Variants in CALN1 observed in about 807,000 individuals in gnomAD.
The protein encoded by CALN1 is calcium-binding protein 8.
In CALN1, 17 loss-of-function variants were observed where a neutral mutation model predicts 30.6. The observed-to-expected ratio is 0.56, with a 90% confidence interval of 0.38 to 0.83. CALN1 has a LOEUF of 0.83. Among genes scored for constraint, CALN1 ranks in the 40% least tolerant of loss-of-function variants. The pLI, the probability that CALN1 is intolerant of heterozygous loss-of-function variation, is 0.00. For synonymous variants in CALN1, 156 were observed against 131.4 expected (o/e 1.19, Z -1.28); for missense variants, 291 against 354.9 (o/e 0.82, Z 1.45).
chr7:72,339,223 G>A (rs1376970623), intron 2 of CALN1, among the ~76,000 whole-genome samples: 2 of 151,984 alleles, frequency 1.3e-5, no homozygotes, highest in South Asian at 2.1e-4. Flanking sequence ...TTTGTTGATG[G>A]ACACATGGGT....
chr7:72,444,035 T>G (rs1195068352), intron 1 of CALN1, among the ~76,000 whole-genome samples: 1 of 150,724 alleles, frequency 6.6e-6, no homozygotes, highest in African/African-American at 2.4e-5. Context: ...AAAAAATTAT[T>G]AAATCAATGA....
intron 2 of CALN1, among the ~76,000 whole-genome samples, chr7:72,392,295 T>C (rs1805625176): frequency 6.6e-6 from 1 of 152,216 alleles, no homozygotes; most frequent in South Asian, 2.1e-4. Flanking sequence ...CTGTCTCTAC[T>C]GAATTCCTGA....
chr7:72,398,974 C>T (rs1049577000), intron 2 of CALN1, among the ~76,000 whole-genome samples: 2 of 152,156 alleles, frequency 1.3e-5, no homozygotes, highest in African/African-American at 4.8e-5. Flanking sequence ...ACCTCCATGC[C>T]AAGGAGTCAC....
the CALN1 span, among the ~76,000 whole-genome samples, chr7:72,476,149 A>C: frequency 4.0e-5 from 6 of 151,742 alleles, 1 homozygote; most frequent in African/African-American, 9.7e-5. Flanking sequence ...AGGACTCACC[A>C]TGTTGGCCAG....
At chr7:72,219,676 TGCATAC>T (rs534801888) in intron 3 of CALN1, among the ~76,000 whole-genome samples, 55 of 125,530 alleles carry the variant, frequency 4.4e-4, no homozygotes, top group African/African-American at 1.5e-3. Flanking sequence ...TGCACACACA[TGCATAC>T]ACATGCACAC....
chr7:72,337,799 G>A (rs1802168567), intron 2 of CALN1: 1 of 152,438 alleles, frequency 6.6e-6, no homozygotes, highest in African/African-American at 2.4e-5. Context: ...ACTCCTCCAG[G>A]GCCTGAGAAC....
At chr7:72,259,903 C>A (rs768568666) in intron 3 of CALN1, among the ~76,000 whole-genome samples, 4 of 152,160 alleles carry the variant, frequency 2.6e-5, no homozygotes, top group Non-Finnish European at 5.9e-5. Flanking sequence ...CCAATGCAAC[C>A]TTTTAAAATG....
intron 5 of CALN1, among the ~76,000 whole-genome samples, chr7:71,815,385 G>C (rs1478659356): frequency 1.3e-5 from 2 of 152,126 alleles, no homozygotes; most frequent in African/African-American, 4.8e-5. Context: ...AAGTATGAAA[G>C]TCCAAGGAGA....
In CALN1 at chr7:72,073,379, G is replaced by A. The variant is rs1405083245; in HGVS notation, c.388+32772C>T. Among the ~76,000 whole-genome samples the A allele has an allele frequency of 4.6e-5, 7 of 152,200 alleles. 1 individual carries two copies. The highest frequency in any genetic ancestry group is 2.1e-4 in the South Asian group (1 of 4,824). Reference sequence around the variant, plus strand: ...TTATTTCCACTGAACTATATACTTCGAAATGGTTACAATGGTAAAATTTAT... The same window carrying A: ...TTATTTCCACTGAACTATATACTTCAAAATGGTTACAATGGTAAAATTTAT... On this transcript the variant is annotated intron_variant, in intron 4 of 6. Transcript: ENST00000395275.
intron 3 of CALN1, among the ~76,000 whole-genome samples, chr7:72,144,195 G>A (rs571117206): frequency 1.3e-5 from 2 of 152,234 alleles, no homozygotes; most frequent in East Asian, 1.9e-4. Flanking sequence ...TGGATAAAGA[G>A]TCAAGACCCA....
chr7:72,303,995 G>A (rs1799473284), intron 2 of CALN1, among the ~76,000 whole-genome samples: 1 of 152,126 alleles, frequency 6.6e-6, no homozygotes, highest in Non-Finnish European at 1.5e-5. Context: ...TTTGAAATAG[G>A]AGAATCATGG....
intron 2 of CALN1, among the ~76,000 whole-genome samples, chr7:72,347,183 C>G (rs906548367): frequency 2.0e-5 from 3 of 152,122 alleles, no homozygotes; most frequent in Non-Finnish European, 2.9e-5. Flanking sequence ...GCAATGAAAT[C>G]CACATGAAAG....
In CALN1 at chr7:71,837,243, C is replaced by CAAAAAAAAAAAAAAAAAAAAAAAAAA. The variant is rs55977265; in HGVS notation, c.502-26752_502-26751insTTTTTTTTTTTTTTTTTTTTTTTTTT. On this transcript the variant is annotated intron_variant, in intron 5 of 6. Coordinates refer to ENST00000395275, the MANE Select transcript of CALN1 (RefSeq NM_031468.4). ...CGAAACTCCATCTCAAAAAAAAAGACAAAAAAAAAAAAAAAAAAAAAAGCC... is the reference window on the plus strand; with the variant it reads ...CGAAACTCCATCTCAAAAAAAAAGACAAAAAAAAAAAAAAAAAAAAAAAAAAAAAAAAAAAAAAAAAAAAAAAAGCC... 5.1e-5 allele frequency among the ~76,000 whole-genome samples: 4 copies of CAAAAAAAAAAAAAAAAAAAAAAAAAA among 79,124 alleles called. 1 individual carries two copies. The highest frequency in any genetic ancestry group is 1.5e-4 in the African/African-American group (3 of 20,564). The allele number at this position is 79,124 out of a possible 152,430, so 51.9% of individuals were successfully genotyped here.
intron 5 of CALN1, among the ~76,000 whole-genome samples, chr7:71,912,477 CCACA>C (rs1360603034): frequency 1.3e-5 from 2 of 152,132 alleles, no homozygotes; most frequent in African/African-American, 2.4e-5. Context: ...CAGAAACCGG[CCACA>C]CACACAATTC....
At position 72,244,132 on chromosome 7, in the gene CALN1, A is replaced by G. The variant is rs151124819; in HGVS notation, c.244+34554T>C. On this transcript the variant is annotated intron_variant, in intron 3 of 6. Transcript: ENST00000395275. ...GTACAATGCATGGGCTGACCCTGCA[A>G]GGAACTCCAGAAAAGAACCTAAAGT... Among the ~76,000 whole-genome samples the G allele has an allele frequency of 1.6e-4, 25 of 152,318 alleles. No homozygotes were observed. In the East Asian group the frequency reaches 4.6e-3, roughly 28 times the overall value.
intron 5 of CALN1, among the ~76,000 whole-genome samples, chr7:71,916,173 C>G (rs542921550): frequency 6.6e-6 from 1 of 151,138 alleles, no homozygotes; most frequent in South Asian, 2.1e-4. Context: ...ATGTTCCCAT[C>G]AAGGTTGCCT....
chr7:72,216,414 TA>T (rs900633500), intron 3 of CALN1, among the ~76,000 whole-genome samples: 2 of 66,868 alleles, frequency 3.0e-5, no homozygotes, highest in African/African-American at 5.6e-5. Context: ...CCTATGTCTT[TA>T]AAAAAAAACA....
intron 2 of CALN1, among the ~76,000 whole-genome samples, chr7:72,389,921 C>T (rs111952605): frequency 0.01 from 1,319 of 126,806 alleles, 25 homozygotes; most frequent in African/African-American, 0.03. Context: ...AGAGCAAAAC[C>T]CCATCTAAAA....
chr7:71,888,615 G>A (rs1339032542), intron 5 of CALN1, among the ~76,000 whole-genome samples: 1 of 152,132 alleles, frequency 6.6e-6, no homozygotes, highest in Non-Finnish European at 1.5e-5. Context: ...TCTCAGGGAA[G>A]GAGGCATCAA....
Sources: allele counts gnomAD v4.1 joint callset (sites outside exome capture counted in the v4.1 genomes callset), GRCh38; gene constraint gnomAD v4.1.1; transcripts MANE v1.5; gene names NCBI Gene and HGNC (gene_info 2026-07-23, HGNC 2026-07-21).